The following RNF41 variants were observed in gnomAD, a reference collection of about 807,000 sequenced individuals.
RNF41 encodes the protein ring finger protein 41, also known as E3 ubiquitin-protein ligase NRDP1.
In RNF41, 4 loss-of-function variants were observed where a neutral mutation model predicts 33.0. The observed-to-expected ratio is 0.12, with a 90% CI of 0.06 to 0.28. The LOEUF is 0.28. Ranked by LOEUF, RNF41 falls within the 10% of genes least tolerant of loss-of-function variation. The pLI is 1.00. For synonymous variants in RNF41, 164 were observed against 153.2 expected (o/e 1.07, Z -0.52); for missense variants, 228 against 432.6 (o/e 0.53, Z 4.19).
At chr12:56,208,530 G>T in intron 4 of RNF41, 2 of 370,616 alleles carry the variant, frequency 5.4e-6, no homozygotes, top group Non-Finnish European at 9.6e-6. Flanking sequence ...AAGACACAGT[G>T]TTTTATCTAT....
intron 3 of RNF41, 49 bp from the exon 4 acceptor site, chr12:56,210,617 T>C: frequency 6.6e-7 from 1 of 1,508,396 alleles, no homozygotes. Context: ...TAGCAGGACC[T>C]AAGAGCCTGG....
chr12:56,210,675 C>A, intron 3 of RNF41, 107 bp from the exon 4 acceptor site: 1 of 1,099,746 alleles, frequency 9.1e-7, no homozygotes, highest in Non-Finnish European at 1.3e-6. Flanking sequence ...GCAGCCTCTA[C>A]GACAAGAGGT....
intron 1 of RNF41, 64 bp from the exon 2 acceptor site, chr12:56,216,677 C>T (rs1161848758): frequency 6.6e-6 from 1 of 152,364 alleles, no homozygotes; most frequent in African/African-American, 2.4e-5. Context: ...GGCAAGGAGA[C>T]TGGACAGATG....
In RNF41 at chr12:56,210,319, C is replaced by T; in HGVS notation, c.340G>A (p.Val114Met). 1 of 1,613,886 alleles carries T rather than the reference C, an allele frequency of 6.2e-7. No homozygotes were observed. Among genetic ancestry groups the T allele is most frequent in the East Asian group, 2.2e-5 (1 of 44,874 alleles). The change falls in exon 4 of 7, where the codon GTG (valine) becomes ATG (methionine). Residue 114 changes from valine to methionine, a missense_variant. By Grantham distance (21) the Val-to-Met change is conservative (BLOSUM62 1). Coordinates refer to ENST00000345093, the MANE Select transcript of RNF41 (RefSeq NM_005785.4). ...SDCEHNPKRPVTCEQGCGLEM... is the reference protein window; with the variant it reads ...SDCEHNPKRPMTCEQGCGLEM... ...CACCCACAGCCCTGTTCACAGGTCACAGGCCGCTTCGGGTTGTGCTCACAG... is the reference window on the plus strand; with the variant it reads ...CACCCACAGCCCTGTTCACAGGTCATAGGCCGCTTCGGGTTGTGCTCACAG...
Position 56,203,324 on chromosome 12 carries a change from T to C in RNF41, c.*3123A>G, listed in dbSNP as rs141982718. On this transcript the variant is annotated 3_prime_UTR_variant, in exon 7 of 7. Transcript: ENST00000345093. ...TTAGCCTTCCAAGGAGCTGGGATCATAGTGGCGTCCCACCATGTCTGGCTA... is the reference window on the plus strand; with the variant it reads ...TTAGCCTTCCAAGGAGCTGGGATCACAGTGGCGTCCCACCATGTCTGGCTA... 3.2e-3 allele frequency: 481 copies of C among 151,302 alleles called. No individual in the cohort carries two copies. Among genetic ancestry groups the C allele is most frequent in the Non-Finnish European group, 4.8e-3 (329 of 67,952 alleles). The allele number at this position is 151,302 out of a possible 1,614,324, so 9.4% of individuals were successfully genotyped here.
In RNF41 at chr12:56,215,883, A is replaced by G. The variant is rs2135812493; in HGVS notation, c.-24+546T>C. Among the ~76,000 whole-genome samples the G allele has an allele frequency of 2.0e-5, 3 of 152,150 alleles. No individual in the cohort carries two copies. In the East Asian group the frequency reaches 5.8e-4, roughly 29 times the overall value. On this transcript the variant is annotated intron_variant, in intron 2 of 6. Coordinates refer to ENST00000345093, the MANE Select transcript of RNF41 (RefSeq NM_005785.4). ...ACGCCTGTAATCCTAGCACTTTGGG[A>G]GGCCGAGGTGGGTGGATCACCTGAG...
chr12:56,221,202 T>A (rs1869389625), intron 1 of RNF41, among the ~76,000 whole-genome samples: 1 of 151,950 alleles, frequency 6.6e-6, no homozygotes, highest in South Asian at 2.1e-4. Context: ...GTGTGTGGTG[T>A]GTGAACCCTG....
intron 5 of RNF41, 164 bp downstream of exon 5, chr12:56,207,999 G>C: frequency 1.2e-6 from 1 of 842,696 alleles, no homozygotes; most frequent in Non-Finnish European, 1.9e-6. Context: ...AAGTCAAGGA[G>C]AGCTCCAATC....
At position 56,207,559 on chromosome 12, in the gene RNF41, C is replaced by T. The variant is rs1868294576; in HGVS notation, c.602+87G>A. ...TGACCCCCAGCCCAGCTCTCCAATG[C>T]CCTCCTTCTGCTACTCTCCTGCTCT... On this transcript the variant is annotated intron_variant, in intron 6 of 6. Coordinates refer to ENST00000345093, the MANE Select transcript of RNF41 (RefSeq NM_005785.4). 5.8e-6 allele frequency: 6 copies of T among 1,038,142 alleles called. No individual in the cohort carries two copies. The East Asian group carries it at 9.5e-5, about 16-fold the overall frequency. The allele number at this position is 1,038,142 out of a possible 1,614,324, so 64.3% of individuals were successfully genotyped here.
Position 56,205,918 on chromosome 12 carries a change from T to C in RNF41, c.*529A>G, listed in dbSNP as rs1299492630. ...AAGGTGGGCTGAACAGGGATACTGC[T>C]TGGCACAGAGGTCCAGTCTTTCCCT... On this transcript the variant is annotated 3_prime_UTR_variant, in exon 7 of 7. Transcript: ENST00000345093. 1.3e-5 allele frequency: 2 copies of C among 156,210 alleles called. No homozygotes were observed. The highest frequency in any genetic ancestry group is 4.8e-5 in the African/African-American group (2 of 41,470). The allele number at this position is 156,210 out of a possible 1,614,324, so 9.7% of individuals were successfully genotyped here. A position where few individuals can be genotyped will look rare whatever the true frequency, so the allele number is the denominator to read the frequency against.
rs1868310307 is a variant in RNF41, at chr12:56,208,153, T to C, written c.498+10A>G. ...GAGGGATATGTTCTCCCCCGTGTCTTGGGGCCTACCTGCTCCGCCAGCTGG... is the reference window on the plus strand; with the variant it reads ...GAGGGATATGTTCTCCCCCGTGTCTCGGGGCCTACCTGCTCCGCCAGCTGG... On this transcript the variant is annotated intron_variant, in intron 5 of 6. Transcript: ENST00000345093. 2 of 1,614,188 alleles carry C rather than the reference T, an allele frequency of 1.2e-6. No homozygotes were observed. The highest frequency in any genetic ancestry group is 1.1e-5 in the South Asian group (1 of 91,076).
At position 56,203,404 on chromosome 12, in the gene RNF41, T is replaced by TAG. The variant is rs1565937471; in HGVS notation, c.*3042_*3043insCT. On this transcript the variant is annotated 3_prime_UTR_variant, in exon 7 of 7. Transcript: ENST00000345093. ...AGCAAATACTTATGAAGACTGGTTT[T>TAG]TTTTTTTTTTTTTTTGAGACGGAGT... is the stretch of plus-strand genomic sequence containing the variant. 3 of 142,148 alleles carry TAG rather than the reference T, an allele frequency of 2.1e-5. No individual in the cohort carries two copies. The highest frequency in any genetic ancestry group is 4.6e-5 in the Non-Finnish European group (3 of 65,352). 8.8% of individuals were successfully genotyped at this position (142,148 alleles called of 1,614,324 possible). A position where few individuals can be genotyped will look rare whatever the true frequency, so the allele number is the denominator to read the frequency against.
intron 2 of RNF41, among the ~76,000 whole-genome samples, chr12:56,214,930 C>A (rs1209036648): frequency 1.3e-5 from 2 of 152,106 alleles, no homozygotes; most frequent in African/African-American, 4.8e-5. Flanking sequence ...AGAGACAGGA[C>A]CTTATGAGGA....
chr12:56,221,928 C>CT (rs1423018565), upstream of RNF41: 3 of 152,342 alleles, frequency 2.0e-5, no homozygotes, highest in Non-Finnish European at 4.4e-5. Context: ...CAGACGGATC[C>CT]TTTGCCCCGC....
At chr12:56,207,356 A>G (rs1565940463) in intron 6 of RNF41, 1 of 1,105,682 alleles carries the variant, frequency 9.0e-7, no homozygotes, top group Non-Finnish European at 1.3e-6. Context: ...CCCTCCTAGC[A>G]CTCCACAGCC....
chr12:56,216,867 G>A (rs1015638640), intron 1 of RNF41, among the ~76,000 whole-genome samples: 5 of 152,206 alleles, frequency 3.3e-5, no homozygotes, highest in Admixed American at 6.5e-5. Context: ...GAGGCCGGGC[G>A]TGGTGGCTCA....
chr12:56,221,740 C>G lies in RNF41; in HGVS notation c.-209+20G>C, dbSNP rs139253863. On this transcript the variant is annotated intron_variant, in intron 1 of 6. Coordinates refer to ENST00000345093, the MANE Select transcript of RNF41 (RefSeq NM_005785.4). The stretch of plus-strand genomic sequence containing the variant: ...CCACACCCTCTTTTAGGTGGAAGAT[C>G]GCGCAGGCGCAGTACGCACCGCCCT... The G allele has an allele frequency of 6.6e-6, 1 of 152,440 alleles. No homozygotes were observed. The highest frequency in any genetic ancestry group is 1.9e-4 in the East Asian group (1 of 5,178). 9.4% of individuals were successfully genotyped at this position (152,440 alleles called of 1,614,324 possible).
chr12:56,207,516 C>A, intron 6 of RNF41, 130 bp downstream of exon 6: 2 of 806,774 alleles, frequency 2.5e-6, no homozygotes, highest in South Asian at 1.4e-5. Context: ...GTCCTTAATG[C>A]CAATATCTGA....
chr12:56,207,443 C>A (rs1868291830), intron 6 of RNF41: 2 of 754,244 alleles, frequency 2.7e-6, no homozygotes, highest in East Asian at 5.5e-5. Flanking sequence ...TTCCCTCCAT[C>A]CACCCAAACA....
Sources: gnomAD v4.1 joint callset for allele counts (sites outside exome capture counted in the v4.1 genomes callset) on GRCh38, gnomAD v4.1.1 for gene constraint, MANE v1.5 for transcripts, NCBI Gene and HGNC (gene_info 2026-07-23, HGNC 2026-07-21) for gene names.